The following SGMS1 variants were observed in gnomAD, a reference collection of about 807,000 sequenced individuals.
SGMS1 encodes sphingomyelin synthase 1.
Under a neutral mutation model 46.2 loss-of-function variants are expected in SGMS1, and 13 were observed. That is an observed-to-expected ratio of 0.28 (90% CI 0.18 to 0.45). SGMS1 has a LOEUF of 0.45. Among genes scored for constraint, SGMS1 ranks in the 20% least tolerant of loss-of-function variants. The pLI is 1.00. For synonymous variants in SGMS1, 203 were observed against 187.8 expected (o/e 1.08, Z -0.66); for missense variants, 324 against 519.9 (o/e 0.62, Z 3.66).
At chr10:50,448,782 A>G (rs895521711) in intron 5 of SGMS1, among the ~76,000 whole-genome samples, 7 of 151,576 alleles carry the variant, frequency 4.6e-5, no homozygotes, top group Non-Finnish European at 1.0e-4. Context: ...ACATATACAC[A>G]CTAGGAGAAA....
chr10:50,359,911 C>G (rs896395596), intron 6 of SGMS1, among the ~76,000 whole-genome samples: 5 of 152,030 alleles, frequency 3.3e-5, no homozygotes, highest in African/African-American at 1.2e-4. Flanking sequence ...CTTCTTAACC[C>G]TTACCTCTGG....
chr10:50,561,671 C>A (rs1838237828), intron 2 of SGMS1, among the ~76,000 whole-genome samples: 1 of 152,142 alleles, frequency 6.6e-6, no homozygotes, highest in East Asian at 1.9e-4. Context: ...ACTAGAAATC[C>A]ATGTGGTGCT....
At chr10:50,543,669 G>A (rs868381883) in intron 2 of SGMS1, among the ~76,000 whole-genome samples, 2 of 152,144 alleles carry the variant, frequency 1.3e-5, no homozygotes, top group Non-Finnish European at 2.9e-5. Context: ...AAGTAGACAG[G>A]AACTTCCTTA....
At chr10:50,483,363 AGCCAGCGTGCCTG>A (rs1375603972) in intron 3 of SGMS1, among the ~76,000 whole-genome samples, 6 of 152,194 alleles carry the variant, frequency 3.9e-5, no homozygotes, top group Non-Finnish European at 8.8e-5. Context: ...TACAAGCATG[AGCCAGCGTGCCTG>A]GCCAGATTCA....
At chr10:50,355,824 T>C (rs1848135650) in intron 6 of SGMS1, among the ~76,000 whole-genome samples, 2 of 150,944 alleles carry the variant, frequency 1.3e-5, no homozygotes, top group African/African-American at 4.9e-5. Flanking sequence ...GTCTAGGATG[T>C]GGGGAGCGCC....
intron 2 of SGMS1, among the ~76,000 whole-genome samples, chr10:50,578,085 T>C (rs1838400910): frequency 6.6e-6 from 1 of 152,240 alleles, no homozygotes; most frequent in South Asian, 2.1e-4. Flanking sequence ...CAAGGTCAGT[T>C]AGCCTATAGT....
chr10:50,556,287 T>C (rs1838188779), intron 2 of SGMS1, among the ~76,000 whole-genome samples: 2 of 152,208 alleles, frequency 1.3e-5, no homozygotes, highest in Admixed American at 1.3e-4. Flanking sequence ...TAAAGCAGTA[T>C]ACACAACCAC....
intron 6 of SGMS1, among the ~76,000 whole-genome samples, chr10:50,384,719 T>C (rs1013226435): frequency 6.6e-6 from 1 of 151,992 alleles, no homozygotes; most frequent in South Asian, 2.1e-4. Flanking sequence ...CAAAGTGCTG[T>C]TATTACTGTC....
chr10:50,594,559 G>C (rs1049605448), intron 1 of SGMS1, among the ~76,000 whole-genome samples: 3 of 151,994 alleles, frequency 2.0e-5, no homozygotes, highest in Admixed American at 6.6e-5. Flanking sequence ...TATTACACTT[G>C]ATTTTATTTA....
At chr10:50,365,273 AAAAAAGC>A (rs1848318596) in intron 6 of SGMS1, among the ~76,000 whole-genome samples, 2 of 150,252 alleles carry the variant, frequency 1.3e-5, no homozygotes, top group South Asian at 4.2e-4. Context: ...AAAAAAAAAA[AAAAAAGC>A]AACTAATTTA....
intron 6 of SGMS1, among the ~76,000 whole-genome samples, chr10:50,399,403 C>T (rs571813899): frequency 2.0e-4 from 31 of 152,120 alleles, no homozygotes; most frequent in African/African-American, 7.2e-4. Flanking sequence ...AATATGACAA[C>T]AATGTAAATG....
Position 50,569,575 on chromosome 10 carries a change from G to C in SGMS1, c.-589+20578C>G, listed in dbSNP as rs188733853. ...GTAGGAGGTAGCAAACAGCTTTACT[G>C]GTCATTTGTCTGCTTTGGTTTAGTG... On this transcript the variant is annotated intron_variant, in intron 2 of 10. Coordinates refer to ENST00000361781, the MANE Select transcript of SGMS1 (RefSeq NM_147156.4). 7.2e-5 allele frequency among the ~76,000 whole-genome samples: 11 copies of C among 152,168 alleles called. No homozygotes were observed. The East Asian group carries it at 2.1e-3, about 29-fold the overall frequency.
intron 2 of SGMS1, among the ~76,000 whole-genome samples, chr10:50,533,287 T>A (rs1837971498): frequency 6.6e-6 from 1 of 152,196 alleles, no homozygotes; most frequent in African/African-American, 2.4e-5. Context: ...CTTTTTTTGT[T>A]TTAATTGTGA....
intron 1 of SGMS1, among the ~76,000 whole-genome samples, chr10:50,618,784 T>C (rs1431175259): frequency 3.3e-5 from 5 of 152,180 alleles, no homozygotes; most frequent in Non-Finnish European, 7.3e-5. Flanking sequence ...CCTAAGTACA[T>C]ACCCTTAGAG....
intron 1 of SGMS1, among the ~76,000 whole-genome samples, chr10:50,609,531 T>TC (rs1252177666): frequency 6.6e-6 from 1 of 150,826 alleles, no homozygotes; most frequent in Non-Finnish European, 1.5e-5. Flanking sequence ...GTTTTTTTTT[T>TC]TTTTTTTTTT....
At chr10:50,359,069 A>T (rs1848204280) in intron 6 of SGMS1, among the ~76,000 whole-genome samples, 1 of 152,214 alleles carries the variant, frequency 6.6e-6, no homozygotes, top group African/African-American at 2.4e-5. Flanking sequence ...AACTCTGGTT[A>T]GCAAATAAAA....
At chr10:50,316,117 T>G (rs1321251037) in intron 8 of SGMS1, among the ~76,000 whole-genome samples, 3 of 152,200 alleles carry the variant, frequency 2.0e-5, no homozygotes, top group Admixed American at 6.5e-5. Context: ...GAGCACTGGC[T>G]TTTTCTAACT....
chr10:50,395,140 T>C (rs2133519743), intron 6 of SGMS1, among the ~76,000 whole-genome samples: 1 of 152,184 alleles, frequency 6.6e-6, no homozygotes, highest in African/African-American at 2.4e-5. Flanking sequence ...CATACTGATT[T>C]TGTGTGTGTG....
chr10:50,444,765 A>T (rs1836987013), intron 5 of SGMS1, among the ~76,000 whole-genome samples: 2 of 152,140 alleles, frequency 1.3e-5, no homozygotes, highest in African/African-American at 4.8e-5. Context: ...ACAACTAATT[A>T]TAAAAGCTAA....
Sources: allele counts gnomAD v4.1 joint callset (sites outside exome capture counted in the v4.1 genomes callset), GRCh38; gene constraint gnomAD v4.1.1; transcripts MANE v1.5; gene names NCBI Gene and HGNC (gene_info 2026-07-23, HGNC 2026-07-21).